SRRM4: variants seen among roughly 807,000 people sequenced by gnomAD.
SRRM4 encodes serine/arginine repetitive matrix 4.
Under a neutral mutation model 68.9 loss-of-function variants are expected in SRRM4, and 33 were observed. The observed-to-expected ratio is 0.48, with a 90% CI of 0.36 to 0.64. The LOEUF is 0.64. SRRM4 is among the 30% of genes least tolerant of loss of function. The pLI, the probability that SRRM4 is intolerant of heterozygous loss-of-function variation, is 0.00. For synonymous variants in SRRM4, 318 were observed against 318.8 expected, an observed-to-expected ratio of 1.00 and a Z score of 0.03; for missense variants, 817 against 827.1, an observed-to-expected ratio of 0.99 and a Z score of 0.15.
chr12:119,002,888 T>C (rs1594021892), intron 1 of SRRM4, among the ~76,000 whole-genome samples: 1 of 150,366 alleles, frequency 6.7e-6, no homozygotes, highest in Non-Finnish European at 1.5e-5. Flanking sequence ...ATTAGGCGTC[T>C]ACACCAAGGC....
chr12:119,039,541 G>A (rs1953651914), intron 1 of SRRM4, among the ~76,000 whole-genome samples: 1 of 152,046 alleles, frequency 6.6e-6, no homozygotes. Flanking sequence ...CAATATGCAG[G>A]GTGACCACCT....
rs1954511993 is a variant in SRRM4, at chr12:119,161,240, C to G, written c.*4442C>G. ...TGTCTTGCCCCACTTTCCCCTTTAG[C>G]TGAACAGAAAATTTTGTCTCAGTAA... On this transcript the variant is annotated 3_prime_UTR_variant, in exon 13 of 13. Transcript: ENST00000267260. The G allele has an allele frequency of 6.6e-6, 1 of 152,178 alleles. No homozygotes were observed. Among genetic ancestry groups the G allele is most frequent in the Non-Finnish European group, 1.5e-5 (1 of 68,040 alleles). 9.4% of individuals were successfully genotyped at this position (152,178 alleles called of 1,614,324 possible). A position where few individuals can be genotyped will look rare whatever the true frequency, so the allele number is the denominator to read the frequency against.
At chr12:119,141,790 A>C (rs1264708778) in intron 8 of SRRM4, among the ~76,000 whole-genome samples, 1 of 152,216 alleles carries the variant, frequency 6.6e-6, no homozygotes, top group Non-Finnish European at 1.5e-5. Flanking sequence ...GACGGCCAAT[A>C]AAATAAGCAA....
In SRRM4 at chr12:119,156,684, C is replaced by G; in HGVS notation, c.1722C>G (p.Ser574Arg). The G allele has an allele frequency of 6.4e-7, 1 of 1,556,302 alleles. No individual in the cohort carries two copies. Among genetic ancestry groups the G allele is most frequent in the Non-Finnish European group, 8.7e-7 (1 of 1,151,450 alleles). ...TRTSSSSSSR[S>R]PSPGSRSRSR... ...CGAGCAGCAGCTCTAGCTCCCGCAG[C>G]CCTAGTCCGGGCTCCCGCAGCCGGA... The change falls in exon 13 of 13, where the codon AGC becomes AGG. Residue 574 changes from serine (S) to arginine (R), a missense_variant. Physicochemically the swap from Ser to Arg is moderately radical, Grantham distance 110. Coordinates refer to ENST00000267260, the MANE Select transcript of SRRM4 (RefSeq NM_194286.4).
At chr12:119,023,759 T>G (rs1953530520) in intron 1 of SRRM4, among the ~76,000 whole-genome samples, 2 of 152,226 alleles carry the variant, frequency 1.3e-5, no homozygotes, top group South Asian at 4.1e-4. Flanking sequence ...TCATCCCATT[T>G]TCCCTCCCAT....
intron 1 of SRRM4, among the ~76,000 whole-genome samples, chr12:119,084,114 A>G (rs2136033131): frequency 6.6e-6 from 1 of 152,296 alleles, no homozygotes; most frequent in African/African-American, 2.4e-5. Flanking sequence ...AGGGAAATTC[A>G]TTTGCCTGAG....
At chr12:119,020,475 A>G (rs1022801560) in intron 1 of SRRM4, among the ~76,000 whole-genome samples, 8 of 152,236 alleles carry the variant, frequency 5.3e-5, no homozygotes, top group African/African-American at 1.9e-4. Context: ...TGGTAAACCC[A>G]GTGGCCCCGG....
At chr12:119,130,411 A>ATGGT (rs1207147246) in intron 7 of SRRM4, among the ~76,000 whole-genome samples, 1 of 104,878 alleles carries the variant, frequency 9.5e-6, no homozygotes, top group Non-Finnish European at 1.9e-5. Context: ...GCTTAGACAG[A>ATGGT]TGGATGGATG....
chr12:119,128,330 A>G (rs1432881169), intron 7 of SRRM4, among the ~76,000 whole-genome samples: 2 of 152,170 alleles, frequency 1.3e-5, no homozygotes, highest in African/African-American at 4.8e-5. Flanking sequence ...GCCTCGGTCT[A>G]GTCCTCCCTC....
intron 1 of SRRM4, among the ~76,000 whole-genome samples, chr12:119,021,170 TTC>T (rs1381120467): frequency 1.3e-5 from 2 of 152,174 alleles, no homozygotes; most frequent in Non-Finnish European, 2.9e-5. Context: ...ACTGGGAATA[TTC>T]TGTTTTGCAA....
intron 1 of SRRM4, among the ~76,000 whole-genome samples, chr12:119,014,363 G>A (rs1405047): frequency 0.29 from 43,738 of 151,882 alleles, 6,513 homozygotes; most frequent in Non-Finnish European, 0.31. Flanking sequence ...GAATTAAAAC[G>A]GGATTTTATC....
chr12:119,104,970 TC>T (rs2136043392), intron 2 of SRRM4, among the ~76,000 whole-genome samples: 2 of 59,308 alleles, frequency 3.4e-5, no homozygotes, highest in African/African-American at 1.4e-4. Context: ...CCCTCCCCCC[TC>T]CCCCCACCCC....
intron 1 of SRRM4, among the ~76,000 whole-genome samples, chr12:119,049,478 G>A (rs923434502): frequency 6.6e-6 from 1 of 152,188 alleles, no homozygotes; most frequent in South Asian, 2.1e-4. Flanking sequence ...GAGTGAGATA[G>A]GAAGCCTCGG....
In SRRM4 at chr12:118,982,077, GC is replaced by G. The variant is rs1212947177; in HGVS notation, c.131+67del. ...CCTCCTTTCTGGCCTGTGCCCCAGA[GC>G]CCGGAGGGGTGGATGCAGGCAGCCG... On this transcript the variant is annotated intron_variant, in intron 1 of 12. Transcript: ENST00000267260. The G allele has an allele frequency of 3.3e-6, 5 of 1,528,856 alleles. No homozygotes were observed. The Admixed American group carries it at 1.0e-4, about 32-fold the overall frequency. 94.7% of individuals were successfully genotyped at this position (1,528,856 alleles called of 1,614,324 possible).
At chr12:119,053,261 AC>A (rs1295305333) in intron 1 of SRRM4, among the ~76,000 whole-genome samples, 27 of 152,204 alleles carry the variant, frequency 1.8e-4, no homozygotes, top group African/African-American at 5.6e-4. Flanking sequence ...TATAAACAGG[AC>A]ACTTATTTTC....
chr12:119,015,012 G>T (rs922570015), intron 1 of SRRM4, among the ~76,000 whole-genome samples: 4 of 152,080 alleles, frequency 2.6e-5, no homozygotes, highest in African/African-American at 7.2e-5. Flanking sequence ...CAACAAAAGG[G>T]GAATTAATAA....
intron 1 of SRRM4, among the ~76,000 whole-genome samples, chr12:119,023,829 T>C (rs1953530856): frequency 6.6e-6 from 1 of 152,166 alleles, no homozygotes; most frequent in African/African-American, 2.4e-5. Flanking sequence ...ACCCAACATA[T>C]AATAGGTGCT....
chr12:119,084,232 C>T (rs1448408271), intron 1 of SRRM4, among the ~76,000 whole-genome samples: 1 of 152,122 alleles, frequency 6.6e-6, no homozygotes, highest in African/African-American at 2.4e-5. Flanking sequence ...GGGAAGAGAG[C>T]AGGGGAAGAG....
intron 1 of SRRM4, among the ~76,000 whole-genome samples, chr12:118,985,894 A>G (rs901573076): frequency 6.6e-6 from 1 of 152,224 alleles, no homozygotes; most frequent in Non-Finnish European, 1.5e-5. Context: ...TCAATTGTTT[A>G]TGGATGCATG....
Sources: allele counts gnomAD v4.1 joint callset (sites outside exome capture counted in the v4.1 genomes callset), GRCh38; gene constraint gnomAD v4.1.1; transcripts MANE v1.5; gene names NCBI Gene and HGNC (gene_info 2026-07-23, HGNC 2026-07-21).